The following NAA50 variants were observed in gnomAD, a reference collection of about 807,000 sequenced individuals.
NAA50 encodes the protein N-alpha-acetyltransferase 50, NatE catalytic subunit.
Under a neutral mutation model 20.7 loss-of-function variants are expected in NAA50, and 7 were observed. That is an observed-to-expected ratio of 0.34 (90% CI 0.19 to 0.63). NAA50 has a LOEUF of 0.63. Ranked by LOEUF, NAA50 falls within the 30% of genes least tolerant of loss-of-function variation. The pLI, the probability that NAA50 is intolerant of heterozygous loss-of-function variation, is 0.75. For synonymous variants in NAA50, 54 were observed against 70.6 expected, an observed-to-expected ratio of 0.77 and a Z score of 1.18; for missense variants, 111 against 199.1, an observed-to-expected ratio of 0.56 and a Z score of 2.66.
At position 113,745,930 on chromosome 3, in the gene NAA50, G is replaced by GC. The variant is rs1708491564; in HGVS notation, c.8+11dup. On this transcript the variant is annotated intron_variant, in intron 1 of 4. Coordinates refer to ENST00000240922, the MANE Select transcript of NAA50 (RefSeq NM_025146.4). ...CCCACCGGCCGGGCCCTGCCCGGCT[G>GC]CCCTTCCTCACCCTTTCATCTTCCC... The GC allele has an allele frequency of 6.2e-7, 1 of 1,604,750 alleles. No homozygotes were observed. Among genetic ancestry groups the GC allele is most frequent in the South Asian group, 1.1e-5 (1 of 90,638 alleles).
intron 1 of NAA50, among the ~76,000 whole-genome samples, chr3:113,742,250 TAA>T (rs1438481503): frequency 6.6e-6 from 1 of 152,132 alleles, no homozygotes; most frequent in Non-Finnish European, 1.5e-5. Context: ...AATAAACCTT[TAA>T]AAAAAGTTTT....
At chr3:113,741,508 GAA>G (rs1416317040) in intron 1 of NAA50, among the ~76,000 whole-genome samples, 1 of 152,184 alleles carries the variant, frequency 6.6e-6, no homozygotes, top group African/African-American at 2.4e-5. Flanking sequence ...GAATAATTGA[GAA>G]AGAGTATCGC....
At chr3:113,729,463 A>G (rs1453805044) in intron 1 of NAA50, among the ~76,000 whole-genome samples, 1 of 152,130 alleles carries the variant, frequency 6.6e-6, no homozygotes. Context: ...TGACGCTTTT[A>G]TCATTTTGAA....
At chr3:113,732,192 G>A (rs1708281549) in intron 1 of NAA50, among the ~76,000 whole-genome samples, 1 of 152,128 alleles carries the variant, frequency 6.6e-6, no homozygotes, top group South Asian at 2.1e-4. Context: ...ATCCAGACGG[G>A]CCTAATATAA....
intron 3 of NAA50, 41 bp from the exon 4 acceptor site, chr3:113,723,013 C>A (rs749909434): frequency 2.0e-6 from 3 of 1,484,184 alleles, no homozygotes; most frequent in South Asian, 2.6e-5. Flanking sequence ...CTTCATAAAT[C>A]AACCTTTAAA....
rs1239041987 is a variant in NAA50 at position 113,745,772 on chromosome 3, CGAGCCTCGCCTCCGCCCCCTCCGG to C, written c.8+146_8+169del. On this transcript the variant is annotated intron_variant, in intron 1 of 4. Transcript: ENST00000240922. ...CTGGCCCTTCAGCCCGCCAACAGCC[CGAGCCTCGCCTCCGCCCCCTCCGG>C]GAGCCGAGGGAACTGAGAAGCAGAG... 1.2e-5 allele frequency: 10 copies of C among 803,956 alleles called. 1 individual carries two copies. The highest frequency in any genetic ancestry group is 7.9e-5 in the South Asian group (4 of 50,416). 49.8% of individuals were successfully genotyped at this position (803,956 alleles called of 1,614,324 possible).
At chr3:113,729,448 T>A (rs1047477843) in intron 1 of NAA50, among the ~76,000 whole-genome samples, 47 of 152,238 alleles carry the variant, frequency 3.1e-4, no homozygotes, top group African/African-American at 9.6e-4. Context: ...CTACTGTTGA[T>A]AATTTGACGC....
intron 1 of NAA50, among the ~76,000 whole-genome samples, chr3:113,744,837 T>C (rs765455269): frequency 6.6e-6 from 1 of 152,222 alleles, no homozygotes. Context: ...CAAATACCGA[T>C]ACACAGAGGT....
rs1326497507 is a variant in NAA50, at chr3:113,718,823, G to A, written c.*2937C>T. 6.6e-6 allele frequency: 1 copy of A among 152,496 alleles called. No individual in the cohort carries two copies. Among genetic ancestry groups the A allele is most frequent in the Admixed American group, 6.5e-5 (1 of 15,284 alleles). The allele number at this position is 152,496 out of a possible 1,614,324, so 9.4% of individuals were successfully genotyped here. On this transcript the variant is annotated 3_prime_UTR_variant, in exon 5 of 5. Transcript: ENST00000240922. ...GTACCTAGCAAGTCACAGAAGATCT[G>A]AATTAGGATGCCTTAATTACACTTG...
chr3:113,734,674 G>A (rs776641311), intron 1 of NAA50, among the ~76,000 whole-genome samples: 1 of 152,146 alleles, frequency 6.6e-6, no homozygotes, highest in Non-Finnish European at 1.5e-5. Flanking sequence ...ATCCCCAGCT[G>A]CACAAGGCTT....
At chr3:113,722,749 A>T (rs566828821) in intron 4 of NAA50, among the ~76,000 whole-genome samples, 157 bp downstream of exon 4, 2 of 152,280 alleles carry the variant, frequency 1.3e-5, no homozygotes, top group East Asian at 3.9e-4. Flanking sequence ...ATAAAACAAA[A>T]CTAAACAAAA....
Position 113,721,589 on chromosome 3 carries a change from T to A in NAA50, c.*171A>T, listed in dbSNP as rs562947608. On this transcript the variant is annotated 3_prime_UTR_variant, in exon 5 of 5. Coordinates refer to ENST00000240922, the MANE Select transcript of NAA50 (RefSeq NM_025146.4). ...AACAATTCAAACATGATTATTTTTTTAAAGTCCTTGAAAGTATTAAAACTC... is the reference window on the plus strand; with the variant it reads ...AACAATTCAAACATGATTATTTTTTAAAAGTCCTTGAAAGTATTAAAACTC... 1.1e-4 allele frequency: 73 copies of A among 676,700 alleles called. No homozygotes were observed. The South Asian group carries it at 1.3e-3, about 12-fold the overall frequency. 41.9% of individuals were successfully genotyped at this position (676,700 alleles called of 1,614,324 possible). A position where few individuals can be genotyped will look rare whatever the true frequency, so the allele number is the denominator to read the frequency against.
At chr3:113,743,008 T>C (rs1708438349) in intron 1 of NAA50, among the ~76,000 whole-genome samples, 1 of 152,174 alleles carries the variant, frequency 6.6e-6, no homozygotes, top group Admixed American at 6.5e-5. Context: ...ACAATGTCCC[T>C]GGTTCATAAA....
At chr3:113,722,495 C>T (rs1396335375) in intron 4 of NAA50, among the ~76,000 whole-genome samples, 1 of 152,114 alleles carries the variant, frequency 6.6e-6, no homozygotes, top group Non-Finnish European at 1.5e-5. Context: ...AGTACAATCT[C>T]AGCTAGGTAA....
At chr3:113,739,650 G>A (rs1417170570) in intron 1 of NAA50, 1 of 152,144 alleles carries the variant, frequency 6.6e-6, no homozygotes, top group Non-Finnish European at 1.5e-5. Context: ...TTTCACAGCA[G>A]ACCAAGTGAC....
chr3:113,740,958 A>C, intron 1 of NAA50: 1 of 513,400 alleles, frequency 1.9e-6, no homozygotes, highest in Admixed American at 2.2e-5. Flanking sequence ...ATCACTTTGA[A>C]CTTTACCGAT....
Position 113,720,639 on chromosome 3 carries a change from A to T in NAA50, c.*1121T>A, listed in dbSNP as rs1708123925. On this transcript the variant is annotated 3_prime_UTR_variant, in exon 5 of 5. Transcript: ENST00000240922. Reference sequence around the variant, plus strand: ...ACTCAATATCACAGGCACTGAGTATAAGCAAATCTGGGATGTCCTCCAACA... The same window carrying T: ...ACTCAATATCACAGGCACTGAGTATTAGCAAATCTGGGATGTCCTCCAACA... 1 of 152,640 alleles carries T rather than the reference A, an allele frequency of 6.6e-6. No homozygotes were observed. The highest frequency in any genetic ancestry group is 1.5e-5 in the Non-Finnish European group (1 of 68,018). The allele number at this position is 152,640 out of a possible 1,614,324, so 9.5% of individuals were successfully genotyped here. A position where few individuals can be genotyped will look rare whatever the true frequency, so the allele number is the denominator to read the frequency against.
At chr3:113,740,234 C>G (rs1395222476) in intron 1 of NAA50, among the ~76,000 whole-genome samples, 1 of 152,180 alleles carries the variant, frequency 6.6e-6, no homozygotes, top group Non-Finnish European at 1.5e-5. Context: ...CAGTTTACTA[C>G]ACTTACAGCA....
intron 2 of NAA50, 27 bp from the exon 3 acceptor site, chr3:113,723,568 T>C (rs746011508): frequency 1.3e-6 from 2 of 1,586,070 alleles, no homozygotes; most frequent in Non-Finnish European, 1.7e-6. Context: ...AAAGATATAA[T>C]GTTGAACAGA....
Sources: gnomAD v4.1 joint callset for allele counts (sites outside exome capture counted in the v4.1 genomes callset) on GRCh38, gnomAD v4.1.1 for gene constraint, MANE v1.5 for transcripts, NCBI Gene and HGNC (gene_info 2026-07-23, HGNC 2026-07-21) for gene names.